The following ERC1 variants were observed in gnomAD, a reference collection of about 807,000 sequenced individuals.
The protein encoded by ERC1 is ELKS/RAB6-interacting/CAST family member 1, also known as RAB6 interacting protein 2.
ERC1 carries 56 observed loss-of-function variants against 132.0 expected under a neutral mutation model. The ratio of observed to expected loss-of-function variants is 0.42; its 90% CI spans 0.34 to 0.53. The LOEUF is 0.53. ERC1 is among the 20% of genes least tolerant of loss of function. ERC1 has a pLI of 0.03. For synonymous variants in ERC1, 478 were observed against 476.1 expected (o/e 1.00, Z -0.05); for missense variants, 1,202 against 1,349.9 (o/e 0.89, Z 1.72).
rs527493320 is a variant in ERC1, at chr12:1,130,264, C to T, written c.1570-11356C>T. Among the ~76,000 whole-genome samples, 25 of 152,136 alleles carry T rather than the reference C, an allele frequency of 1.6e-4. 2 individuals carry two copies. The South Asian group carries it at 5.0e-3, about 30-fold the overall frequency. On this transcript the variant is annotated intron_variant, in intron 7 of 18. Transcript: ENST00000360905. ...CTATAATTCCAGCACTTTGGAAGGC[C>T]GAGACAGGAGGATCACTTGAGCCCA...
chr12:1,224,101 T>C (rs949854076), intron 12 of ERC1, among the ~76,000 whole-genome samples: 1 of 152,206 alleles, frequency 6.6e-6, no homozygotes, highest in African/African-American at 2.4e-5. Flanking sequence ...TTTTAACTTA[T>C]ATTTAGATGA....
chr12:1,401,061 G>A (rs1328703081), intron 16 of ERC1, among the ~76,000 whole-genome samples: 4 of 149,488 alleles, frequency 2.7e-5, no homozygotes, highest in South Asian at 2.1e-4. Flanking sequence ...TCAGCCTCCC[G>A]AGTAGCTGGG....
intron 15 of ERC1, among the ~76,000 whole-genome samples, chr12:1,330,406 G>A (rs1465466470): frequency 6.6e-6 from 1 of 151,980 alleles, no homozygotes; most frequent in Non-Finnish European, 1.5e-5. Flanking sequence ...TACTTAAATT[G>A]CTGCCTGTTT....
At chr12:1,099,360 A>G (rs191837424) in intron 3 of ERC1, among the ~76,000 whole-genome samples, 1 of 152,174 alleles carries the variant, frequency 6.6e-6, no homozygotes, top group Non-Finnish European at 1.5e-5. Context: ...CCCATGTGTC[A>G]TTCTCTGGAT....
chr12:1,418,752 G>A (rs781085346), intron 17 of ERC1, among the ~76,000 whole-genome samples: 10 of 134,514 alleles, frequency 7.4e-5, no homozygotes, highest in East Asian at 2.2e-4. Flanking sequence ...TCTCTCTGTC[G>A]CTCAGACTGG....
chr12:1,129,629 TA>T (rs1194516062), intron 7 of ERC1, among the ~76,000 whole-genome samples: 1 of 152,202 alleles, frequency 6.6e-6, no homozygotes, highest in Non-Finnish European at 1.5e-5. Context: ...GTAGTGAGAA[TA>T]TGGTAGCGTA....
intron 1 of ERC1, among the ~76,000 whole-genome samples, chr12:1,001,412 A>G (rs1373877252): frequency 6.6e-6 from 1 of 152,208 alleles, no homozygotes; most frequent in African/African-American, 2.4e-5. Context: ...AAACAAAAGT[A>G]AAGCTTTACA....
At chr12:1,204,590 A>G (rs891693080) in intron 12 of ERC1, 3 of 1,307,238 alleles carry the variant, frequency 2.3e-6, no homozygotes. Flanking sequence ...CTTACAGGGA[A>G]CTGAACATAT....
chr12:1,408,383 C>G, intron 17 of ERC1, 136 bp downstream of exon 17: 1 of 562,710 alleles, frequency 1.8e-6, no homozygotes, highest in Non-Finnish European at 3.1e-6. Context: ...TCTGAAAACT[C>G]TACTCTTTTC....
intron 15 of ERC1, among the ~76,000 whole-genome samples, chr12:1,328,614 TTC>T (rs1304235662): frequency 6.6e-6 from 1 of 151,460 alleles, no homozygotes; most frequent in Non-Finnish European, 1.5e-5. Context: ...CGTTTCTCCT[TTC>T]TCTCTCTTTC....
intron 7 of ERC1, among the ~76,000 whole-genome samples, chr12:1,120,669 C>A (rs897230825): frequency 6.6e-6 from 1 of 152,136 alleles, no homozygotes; most frequent in Non-Finnish European, 1.5e-5. Context: ...TATCAATAAG[C>A]CAAAATAATG....
At chr12:1,485,296 C>G (rs2094192704) in intron 18 of ERC1, among the ~76,000 whole-genome samples, 1 of 150,600 alleles carries the variant, frequency 6.6e-6, no homozygotes, top group Non-Finnish European at 1.5e-5. Context: ...CCTCCACCTC[C>G]TGGATTCAAG....
chr12:1,049,137 G>GT (rs1170097487), intron 2 of ERC1, among the ~76,000 whole-genome samples: 3 of 152,094 alleles, frequency 2.0e-5, no homozygotes, highest in Non-Finnish European at 4.4e-5. Flanking sequence ...GTTTTTTTAT[G>GT]TTTTTGTCAA....
At chr12:1,467,390 A>G (rs1364220745) in intron 18 of ERC1, among the ~76,000 whole-genome samples, 1 of 152,152 alleles carries the variant, frequency 6.6e-6, no homozygotes, top group Non-Finnish European at 1.5e-5. Flanking sequence ...ACAAACAGGA[A>G]GAGACTGGGA....
At chr12:997,751 C>CA (rs959904688) in intron 1 of ERC1, among the ~76,000 whole-genome samples, 13 of 152,016 alleles carry the variant, frequency 8.6e-5, no homozygotes, top group African/African-American at 2.4e-4. Flanking sequence ...CTGGCACTGG[C>CA]AGGAAGGAAG....
At chr12:1,213,861 G>C (rs1054937399) in intron 12 of ERC1, among the ~76,000 whole-genome samples, 1 of 151,610 alleles carries the variant, frequency 6.6e-6, no homozygotes, top group Non-Finnish European at 1.5e-5. Flanking sequence ...CCGAGATCAC[G>C]CCACTGCACT....
intron 12 of ERC1, among the ~76,000 whole-genome samples, chr12:1,232,785 A>G (rs2075141177): frequency 6.6e-6 from 1 of 152,018 alleles, no homozygotes; most frequent in African/African-American, 2.4e-5. Context: ...GATTATCTTT[A>G]ATGCCATCAG....
chr12:1,394,188 CAGG>C (rs1211769807), intron 16 of ERC1, among the ~76,000 whole-genome samples: 1 of 151,580 alleles, frequency 6.6e-6, no homozygotes. Context: ...ATCACGAGGT[CAGG>C]AGATCGAGAC....
chr12:1,311,591 C>A (rs1262011058), intron 15 of ERC1, among the ~76,000 whole-genome samples: 2 of 151,860 alleles, frequency 1.3e-5, no homozygotes, highest in Non-Finnish European at 2.9e-5. Flanking sequence ...CTGAAACAGT[C>A]TTTTTTTTCT....
Sources: gnomAD v4.1 joint callset for allele counts (sites outside exome capture counted in the v4.1 genomes callset) on GRCh38, gnomAD v4.1.1 for gene constraint, MANE v1.5 for transcripts, NCBI Gene and HGNC (gene_info 2026-07-23, HGNC 2026-07-21) for gene names.